Variants in IQCM observed in about 807,000 individuals in gnomAD.
IQCM encodes IQ motif containing M, also known as IQ domain-containing protein M.
IQCM carries 45 observed loss-of-function variants against 57.6 expected under a neutral mutation model. The ratio of observed to expected loss-of-function variants is 0.78; its 90% CI spans 0.62 to 1.00. The LOEUF (loss-of-function observed/expected upper bound fraction) is 1.00. IQCM is among the 50% of genes least tolerant of loss of function. The pLI, the probability that IQCM is intolerant of heterozygous loss-of-function variation, is 0.00. For synonymous variants in IQCM, 148 were observed against 158.9 expected, an observed-to-expected ratio of 0.93 and a Z score of 0.51; for missense variants, 468 against 511.6, an observed-to-expected ratio of 0.91 and a Z score of 0.82.
At chr4:149,453,926 C>T (rs766959533) in intron 12 of IQCM, among the ~76,000 whole-genome samples, 1 of 151,448 alleles carries the variant, frequency 6.6e-6, no homozygotes, top group East Asian at 1.9e-4. Flanking sequence ...TGTTCTTTGC[C>T]GTATTGTCAA....
chr4:149,379,376 A>G (rs1402664599), intron 13 of IQCM, among the ~76,000 whole-genome samples: 4 of 152,174 alleles, frequency 2.6e-5, no homozygotes, highest in Admixed American at 2.0e-4. Flanking sequence ...CCAGCCCATG[A>G]AAGCAGCCAG....
intron 13 of IQCM, among the ~76,000 whole-genome samples, chr4:149,370,676 TC>T (rs1730307519): frequency 6.6e-6 from 1 of 152,068 alleles, no homozygotes; most frequent in Non-Finnish European, 1.5e-5. Context: ...AACCCTCTCT[TC>T]CAGTGAACTG....
chr4:149,563,918 A>G (rs1750371586), intron 9 of IQCM, 28 bp from the exon 10 acceptor site: 1 of 1,073,326 alleles, frequency 9.3e-7, no homozygotes, highest in African/African-American at 1.6e-5. Flanking sequence ...TTCTTATTAT[A>G]CATAATATGA....
intron 13 of IQCM, among the ~76,000 whole-genome samples, chr4:149,428,387 A>T (rs1560826577): frequency 6.6e-6 from 1 of 151,848 alleles, no homozygotes; most frequent in African/African-American, 2.4e-5. Flanking sequence ...TCTGAGCTTC[A>T]TCCCTTAAAA....
rs78738679 is a variant in IQCM at position 149,574,080 on chromosome 4, T to G, written c.750-10190A>C. Reference sequence around the variant, plus strand: ...ACAGACTATTACAGAAATGTTCAATTTTATGCCACGGACTTTATGTTCATT... The same window carrying G: ...ACAGACTATTACAGAAATGTTCAATGTTATGCCACGGACTTTATGTTCATT... On this transcript the variant is annotated intron_variant, in intron 9 of 13. Transcript: ENST00000636793. Among the ~76,000 whole-genome samples, 1,354 of 152,032 alleles carry G rather than the reference T, an allele frequency of 8.9e-3. 17 individuals are homozygous for G. The highest frequency in any genetic ancestry group is 0.03 in the African/African-American group (1,260 of 41,524).
At chr4:149,640,050 T>G (rs1758056828) in intron 7 of IQCM, among the ~76,000 whole-genome samples, 1 of 152,250 alleles carries the variant, frequency 6.6e-6, no homozygotes, top group African/African-American at 2.4e-5. Flanking sequence ...AAAAATTATT[T>G]CTTGAATGTT....
At chr4:149,572,379 T>C (rs1751241640) in intron 9 of IQCM, among the ~76,000 whole-genome samples, 1 of 151,930 alleles carries the variant, frequency 6.6e-6, no homozygotes, top group African/African-American at 2.4e-5. Context: ...CTCTAACTCC[T>C]GAGCTCAAGT....
Position 149,685,660 on chromosome 4 carries a change from C to A in IQCM, c.476+718G>T, listed in dbSNP as rs562743917. Among the ~76,000 whole-genome samples the A allele has an allele frequency of 5.9e-5, 9 of 151,544 alleles. No homozygotes were observed. In the South Asian group the frequency reaches 1.9e-3, roughly 31 times the overall value. Reference sequence around the variant, plus strand: ...TGTGCCAATTACCCCAAATTTCTGACCATGTTATAATATCAATGAATTATT... The same window carrying A: ...TGTGCCAATTACCCCAAATTTCTGAACATGTTATAATATCAATGAATTATT... On this transcript the variant is annotated intron_variant, in intron 6 of 13. Transcript: ENST00000636793.
intron 13 of IQCM, among the ~76,000 whole-genome samples, chr4:149,361,773 C>T (rs1729508141): frequency 6.6e-6 from 1 of 152,188 alleles, no homozygotes; most frequent in South Asian, 2.1e-4. Context: ...AAGGACAGTG[C>T]AGAAGGGAAA....
At chr4:149,462,772 C>T (rs1209067537) in intron 12 of IQCM, among the ~76,000 whole-genome samples, 6 of 152,160 alleles carry the variant, frequency 3.9e-5, no homozygotes, top group Non-Finnish European at 8.8e-5. Context: ...TGGGTTTACA[C>T]CACAGTTGGA....
intron 13 of IQCM, among the ~76,000 whole-genome samples, chr4:149,421,775 C>G (rs1186317743): frequency 6.6e-6 from 1 of 151,886 alleles, no homozygotes; most frequent in Non-Finnish European, 1.5e-5. Flanking sequence ...GGAAAAAAGA[C>G]AAGTATGGTT....
chr4:149,802,246 A>C (rs1773670826), intron 2 of IQCM, among the ~76,000 whole-genome samples: 1 of 151,762 alleles, frequency 6.6e-6, no homozygotes, highest in Non-Finnish European at 1.5e-5. Context: ...AAAAAAAAAA[A>C]CTTTTCATCT....
At chr4:149,411,343 T>G (rs1436861840) in intron 13 of IQCM, among the ~76,000 whole-genome samples, 1 of 152,166 alleles carries the variant, frequency 6.6e-6, no homozygotes, top group East Asian at 1.9e-4. Flanking sequence ...GTTTGTATTT[T>G]TACACATATT....
chr4:149,573,659 G>A (rs138489372), intron 9 of IQCM, among the ~76,000 whole-genome samples: 1 of 151,522 alleles, frequency 6.6e-6, no homozygotes, highest in Non-Finnish European at 1.5e-5. Flanking sequence ...GTTAGGGATG[G>A]AGGCAGTGAT....
intron 13 of IQCM, among the ~76,000 whole-genome samples, chr4:149,422,032 G>A (rs1734155313): frequency 6.6e-6 from 1 of 151,582 alleles, no homozygotes; most frequent in African/African-American, 2.4e-5. Flanking sequence ...CAATACAGAG[G>A]ACAACTATAA....
chr4:149,499,544 C>T (rs1415665691), intron 12 of IQCM, among the ~76,000 whole-genome samples: 2 of 151,820 alleles, frequency 1.3e-5, no homozygotes, highest in Non-Finnish European at 2.9e-5. Context: ...AGCTGATTTC[C>T]CTTTGGAGGC....
intron 13 of IQCM, among the ~76,000 whole-genome samples, chr4:149,376,707 G>T (rs1046665408): frequency 1.3e-5 from 2 of 152,120 alleles, no homozygotes; most frequent in South Asian, 4.1e-4. Context: ...TGGTAAGACA[G>T]ATAAGAAATG....
chr4:149,551,064 C>T (rs1476810047), intron 11 of IQCM, among the ~76,000 whole-genome samples: 2 of 152,194 alleles, frequency 1.3e-5, no homozygotes, highest in Non-Finnish European at 2.9e-5. Flanking sequence ...TCCCAATTCT[C>T]TCAAGGTAAA....
intron 12 of IQCM, among the ~76,000 whole-genome samples, chr4:149,439,904 T>TA (rs955550090): frequency 5.9e-5 from 9 of 151,576 alleles, no homozygotes; most frequent in East Asian, 1.9e-4. Context: ...ATAACTTTAA[T>TA]AAAAAAATTT....
Sources: gnomAD v4.1 joint callset for allele counts (sites outside exome capture counted in the v4.1 genomes callset) on GRCh38, gnomAD v4.1.1 for gene constraint, MANE v1.5 for transcripts, NCBI Gene and HGNC (gene_info 2026-07-23, HGNC 2026-07-21) for gene names.